Variants in SFRP1 observed in about 807,000 individuals in gnomAD.
The protein encoded by SFRP1 is secreted frizzled related protein 1, also known as secreted frizzled-related protein 1.
Under a neutral mutation model 25.9 loss-of-function variants are expected in SFRP1, and 9 were observed. The ratio of observed to expected loss-of-function variants is 0.35; its 90% CI spans 0.21 to 0.61. The LOEUF (loss-of-function observed/expected upper bound fraction) is 0.61, where lower values mean the gene tolerates loss of function less well. SFRP1 is among the 20% of genes least tolerant of loss of function. The probability of loss-of-function intolerance (pLI) is 0.78; values close to 1 mark genes in which losing one functional copy is unlikely to be tolerated. For missense variants in SFRP1, 346 were observed against 418.2 expected, an observed-to-expected ratio of 0.83 and a Z score of 1.51; for synonymous variants, 178 against 174.0, an observed-to-expected ratio of 1.02 and a Z score of -0.18.
chr8:41,290,411 G>A (rs1341434543), intron 2 of SFRP1, among the ~76,000 whole-genome samples: 1 of 152,192 alleles, frequency 6.6e-6, no homozygotes, highest in Non-Finnish European at 1.5e-5. Context: ...GGCTGGCTCC[G>A]GAGGCACTGC....
intron 2 of SFRP1, among the ~76,000 whole-genome samples, chr8:41,302,130 A>C (rs1157028466): frequency 6.6e-6 from 1 of 152,374 alleles, no homozygotes; most frequent in East Asian, 1.9e-4. Flanking sequence ...AGCACTAGGT[A>C]TACAGGGAAT....
In SFRP1 at chr8:41,265,138, G is replaced by GGCCCCCCCCC; in HGVS notation, c.*28_*29insGGGGGGGGGC. 8 of 508,948 alleles carry GGCCCCCCCCC rather than the reference G, an allele frequency of 1.6e-5. No homozygotes were observed. The highest frequency in any genetic ancestry group is 3.1e-5 in the Admixed American group (1 of 32,570). The allele number at this position is 508,948 out of a possible 1,614,324, so 31.5% of individuals were successfully genotyped here. ...CCCCCCCGCTCCCACCCCACCCGAGGCTCCCTCCCCACCCTGCCCCCGGGA... is the reference window on the plus strand; with the variant it reads ...CCCCCCCGCTCCCACCCCACCCGAGGGCCCCCCCCCCTCCCTCCCCACCCTGCCCCCGGGA... On this transcript the variant is annotated 3_prime_UTR_variant, in exon 3 of 3. Transcript: ENST00000220772.
intron 2 of SFRP1, among the ~76,000 whole-genome samples, chr8:41,281,574 T>C (rs1352613286): frequency 6.6e-6 from 1 of 152,262 alleles, no homozygotes; most frequent in Non-Finnish European, 1.5e-5. Context: ...AGCACCCTTG[T>C]GGCTCCTATC....
intron 1 of SFRP1, among the ~76,000 whole-genome samples, chr8:41,307,216 C>T (rs955626708): frequency 2.0e-5 from 3 of 152,170 alleles, no homozygotes; most frequent in Admixed American, 6.5e-5. Flanking sequence ...CAGATGCATC[C>T]GCTACCCTCA....
chr8:41,272,749 GA>G (rs1195905983), intron 2 of SFRP1, among the ~76,000 whole-genome samples: 1 of 152,154 alleles, frequency 6.6e-6, no homozygotes, highest in African/African-American at 2.4e-5. Context: ...CAACATCTGA[GA>G]AAAGGGTATT....
intron 2 of SFRP1, 73 bp from the exon 3 acceptor site, chr8:41,265,562 T>G: frequency 9.3e-7 from 1 of 1,080,252 alleles, no homozygotes; most frequent in Non-Finnish European, 1.3e-6. Flanking sequence ...TTTCTTTTTT[T>G]GATCCTCAAA....
intron 2 of SFRP1, among the ~76,000 whole-genome samples, chr8:41,267,923 AC>A (rs931727320): frequency 7.2e-5 from 11 of 152,318 alleles, no homozygotes; most frequent in African/African-American, 2.4e-4. Flanking sequence ...TCCCAGTTTC[AC>A]CTACATTTCA....
intron 2 of SFRP1, among the ~76,000 whole-genome samples, chr8:41,300,000 G>A (rs1803895469): frequency 6.6e-6 from 1 of 152,178 alleles, no homozygotes; most frequent in South Asian, 2.1e-4. Flanking sequence ...GACTGTGCTA[G>A]CAGCCATCTT....
chr8:41,284,926 T>C (rs1430109338), intron 2 of SFRP1, among the ~76,000 whole-genome samples: 1 of 152,156 alleles, frequency 6.6e-6, no homozygotes, highest in Non-Finnish European at 1.5e-5. Flanking sequence ...CCTTCTTCCC[T>C]CAGGTCAGAC....
chr8:41,283,078 A>C (rs886359403), intron 2 of SFRP1, among the ~76,000 whole-genome samples: 1 of 152,180 alleles, frequency 6.6e-6, no homozygotes, highest in South Asian at 2.1e-4. Context: ...CTTTTATTAC[A>C]TGACCTTGGA....
At chr8:41,306,879 G>A (rs1253856711) in intron 1 of SFRP1, 1 of 1,594,912 alleles carries the variant, frequency 6.3e-7, no homozygotes, top group Non-Finnish European at 8.5e-7. Flanking sequence ...GGGGGCTGGG[G>A]TGAGGGATTC....
intron 2 of SFRP1, among the ~76,000 whole-genome samples, chr8:41,268,819 G>C (rs1019273343): frequency 6.6e-6 from 1 of 152,190 alleles, no homozygotes; most frequent in Non-Finnish European, 1.5e-5. Flanking sequence ...GAGCAGCCCG[G>C]AACTGATCAC....
Position 41,308,677 on chromosome 8 carries a change from G to A in SFRP1, c.483C>T (p.Pro161=). Residue 161 remains proline, a synonymous_variant, in exon 1 of 3, where the codon CCC becomes CCT. Coordinates refer to ENST00000220772, the MANE Select transcript of SFRP1 (RefSeq NM_003012.5). ...TCATGGCGATGCAGACGTCCCCCTC[G>A]GGGAACTTGTCACACTTAAGCATCT... ...WPEMLKCDKF[P]EGDVCIAMTP... 1.2e-6 allele frequency: 2 copies of A among 1,610,948 alleles called. No homozygotes were observed. Among genetic ancestry groups the A allele is most frequent in the Non-Finnish European group, 1.7e-6 (2 of 1,178,380 alleles).
chr8:41,303,345 A>ATT (rs2117519758), intron 2 of SFRP1, 116 bp downstream of exon 2: 1 of 758,410 alleles, frequency 1.3e-6, no homozygotes, highest in South Asian at 1.6e-5. Flanking sequence ...TTGGAGAGGA[A>ATT]TGAGGTAGAG....
chr8:41,275,796 G>T (rs1190414593), intron 2 of SFRP1, among the ~76,000 whole-genome samples: 1 of 152,228 alleles, frequency 6.6e-6, no homozygotes, highest in Non-Finnish European at 1.5e-5. Context: ...GCCCAGGCTG[G>T]AGTGCAGTGG....
chr8:41,266,988 G>C (rs1246264835), intron 2 of SFRP1, among the ~76,000 whole-genome samples: 1 of 152,210 alleles, frequency 6.6e-6, no homozygotes, highest in Admixed American at 6.5e-5. Flanking sequence ...GGTACTGCTA[G>C]TATCAGTCAA....
intron 2 of SFRP1, among the ~76,000 whole-genome samples, chr8:41,265,709 C>T (rs926941419): frequency 6.6e-6 from 1 of 152,110 alleles, no homozygotes; most frequent in Non-Finnish European, 1.5e-5. Context: ...GTTTGGGCTT[C>T]TAATAACCCC....
intron 2 of SFRP1, 25 bp downstream of exon 2, chr8:41,303,436 G>C: frequency 6.3e-7 from 1 of 1,590,220 alleles, no homozygotes; most frequent in Non-Finnish European, 8.6e-7. Flanking sequence ...AAACCTTCCA[G>C]AGGCAGCTAG....
chr8:41,296,608 A>G (rs938712784), intron 2 of SFRP1, among the ~76,000 whole-genome samples: 2 of 152,044 alleles, frequency 1.3e-5, no homozygotes, highest in Admixed American at 1.3e-4. Flanking sequence ...TGCATAGCCT[A>G]TTTTTTGGTT....
Sources: allele counts gnomAD v4.1 joint callset (sites outside exome capture counted in the v4.1 genomes callset), GRCh38; gene constraint gnomAD v4.1.1; transcripts MANE v1.5; gene names NCBI Gene and HGNC (gene_info 2026-07-23, HGNC 2026-07-21).